SCAI: variants seen among roughly 807,000 people sequenced by gnomAD.
SCAI encodes suppressor of cancer cell invasion.
A neutral mutation model predicts 92.2 loss-of-function variants in SCAI; 24 were observed. The observed-to-expected ratio is 0.26, with a 90% CI of 0.19 to 0.37. SCAI has a LOEUF of 0.37. SCAI is among the 10% of genes least tolerant of loss of function. SCAI has a pLI of 1.00. For synonymous variants in SCAI, 261 were observed against 258.6 expected (o/e 1.01, Z -0.09); for missense variants, 450 against 736.2 (o/e 0.61, Z 4.50).
rs1833178972 is a variant in SCAI at position 125,035,605 on chromosome 9, C to T, written c.231-5866G>A. On this transcript the variant is annotated intron_variant, in intron 3 of 17. Transcript: ENST00000336505. ...TAAAATGGAGATAATAATAATAGAG[C>T]CTAGACCATAGGTTTGATGACAAGA... is the stretch of plus-strand genomic sequence containing the variant. 1.3e-5 allele frequency among the ~76,000 whole-genome samples: 2 copies of T among 152,084 alleles called. 1 individual carries two copies. The highest frequency in any genetic ancestry group is 4.2e-4 in the South Asian group (2 of 4,818).
In SCAI at chr9:124,949,004, A is replaced by G. The variant is rs1831194927; in HGVS notation, c.*3803T>C. 6.6e-6 allele frequency: 1 copy of G among 152,270 alleles called. No individual in the cohort carries two copies. Among genetic ancestry groups the G allele is most frequent in the Non-Finnish European group, 1.5e-5 (1 of 68,050 alleles). The allele number at this position is 152,270 out of a possible 1,614,324, so 9.4% of individuals were successfully genotyped here. Reference sequence around the variant, plus strand: ...CATTGGGCAACTGTCCTTTTAGATAATTCTTCTCCCTTGATTAAAGAAATA... The same window carrying G: ...CATTGGGCAACTGTCCTTTTAGATAGTTCTTCTCCCTTGATTAAAGAAATA... On this transcript the variant is annotated 3_prime_UTR_variant, in exon 18 of 18. Transcript: ENST00000336505. The surrounding 1 kb of genome is among the most constrained non-coding windows in gnomAD (Gnocchi z 4.0).
chr9:124,989,462 T>C (rs578194502), intron 14 of SCAI, among the ~76,000 whole-genome samples: 223 of 152,066 alleles, frequency 1.5e-3, no homozygotes, highest in African/African-American at 5.1e-3. Context: ...GCGCCTGTAA[T>C]CCCAGCTACT....
chr9:125,019,675 T>C (rs1398426209), intron 7 of SCAI, among the ~76,000 whole-genome samples: 1 of 152,064 alleles, frequency 6.6e-6, no homozygotes, highest in Admixed American at 6.6e-5. Context: ...CCTGACTTTA[T>C]TTGGATTTGT....
At chr9:125,018,525 G>C (rs1832807795) in intron 9 of SCAI, among the ~76,000 whole-genome samples, 1 of 152,138 alleles carries the variant, frequency 6.6e-6, no homozygotes, top group South Asian at 2.1e-4. Flanking sequence ...CATACATATA[G>C]ACATTCTAAC....
Position 125,109,361 on chromosome 9 carries a change from A to AAAT in SCAI, c.98+33269_98+33271dup, listed in dbSNP as rs796825826. Among the ~76,000 whole-genome samples, 416 of 151,630 alleles carry AAAT rather than the reference A, an allele frequency of 2.7e-3. 4 individuals carry two copies. The highest frequency in any genetic ancestry group is 8.1e-3 in the East Asian group (42 of 5,182). The stretch of plus-strand genomic sequence containing the variant: ...ACACCCAAGAATTATCAATTTTAAA[A>AAAT]AATAATAATAATAATAATAATAAAA... On this transcript the variant is annotated intron_variant, in intron 2 of 17. Coordinates refer to ENST00000336505, the MANE Select transcript of SCAI (RefSeq NM_001144877.3).
intron 2 of SCAI, among the ~76,000 whole-genome samples, chr9:125,095,138 C>A (rs938206773): frequency 1.3e-5 from 2 of 152,126 alleles, no homozygotes; most frequent in Admixed American, 6.6e-5. Context: ...CCAAGACAAT[C>A]CCTCATCCAG....
chr9:124,961,947 C>A (rs1831444695), intron 17 of SCAI, among the ~76,000 whole-genome samples: 1 of 151,434 alleles, frequency 6.6e-6, no homozygotes, highest in South Asian at 2.1e-4. Context: ...GTATCCTTTC[C>A]CCTCAGTGGC....
chr9:124,963,061 A>G (rs1831472526), intron 17 of SCAI, among the ~76,000 whole-genome samples: 1 of 150,432 alleles, frequency 6.6e-6, no homozygotes, highest in African/African-American at 2.4e-5. Context: ...AGCCTCCCAT[A>G]GTGCTGGGAT....
intron 11 of SCAI, 84 bp from the exon 12 acceptor site, chr9:125,002,127 G>C: frequency 1.0e-6 from 1 of 961,916 alleles, no homozygotes; most frequent in Non-Finnish European, 1.7e-6. Flanking sequence ...ACATCTTAAA[G>C]TTGTGAAATA....
chr9:124,970,420 T>TA (rs960754108), intron 17 of SCAI, among the ~76,000 whole-genome samples: 6 of 150,356 alleles, frequency 4.0e-5, no homozygotes, highest in African/African-American at 1.2e-4. Context: ...AATGAATGAT[T>TA]AAAAAAAAAA....
At chr9:125,105,637 C>G (rs1023628230) in intron 2 of SCAI, among the ~76,000 whole-genome samples, 1 of 152,082 alleles carries the variant, frequency 6.6e-6, no homozygotes, top group Admixed American at 6.6e-5. Flanking sequence ...TAAAGAGAAC[C>G]ACAGATAAAT....
intron 17 of SCAI, chr9:124,968,577 G>A: frequency 2.2e-6 from 2 of 921,848 alleles, no homozygotes; most frequent in South Asian, 1.3e-5. Flanking sequence ...AAACGTGTAT[G>A]GCTTGTCTGC....
intron 3 of SCAI, among the ~76,000 whole-genome samples, chr9:125,052,272 A>T (rs1202745696): frequency 6.6e-6 from 1 of 152,204 alleles, no homozygotes; most frequent in Non-Finnish European, 1.5e-5. Context: ...GGATATCATT[A>T]AGAAAGTAAA....
chr9:125,034,309 A>T lies in SCAI; in HGVS notation c.231-4570T>A, dbSNP rs115150545. On this transcript the variant is annotated intron_variant, in intron 3 of 17. Coordinates refer to ENST00000336505, the MANE Select transcript of SCAI (RefSeq NM_001144877.3). The stretch of plus-strand genomic sequence containing the variant: ...TCTCCCAGGGTAGGAGAAGAGGCAA[A>T]AGGTAAGATCTGGAAGGGCAAACTG... 6.3e-3 allele frequency among the ~76,000 whole-genome samples: 963 copies of T among 152,294 alleles called. 13 individuals carry two copies. Among genetic ancestry groups the T allele is most frequent in the African/African-American group, 0.022 (901 of 41,560 alleles).
intron 14 of SCAI, among the ~76,000 whole-genome samples, chr9:124,991,023 T>A (rs2131615353): frequency 6.6e-6 from 1 of 152,274 alleles, no homozygotes; most frequent in East Asian, 1.9e-4. Flanking sequence ...AGTTGAGAAA[T>A]ACAACTTTAA....
intron 3 of SCAI, among the ~76,000 whole-genome samples, chr9:125,043,009 G>T (rs1833358699): frequency 6.6e-6 from 1 of 151,652 alleles, no homozygotes. Flanking sequence ...GGGATTATGG[G>T]CATTTGCCAC....
intron 17 of SCAI, among the ~76,000 whole-genome samples, chr9:124,956,099 T>C (rs1419758804): frequency 6.6e-6 from 1 of 151,972 alleles, no homozygotes; most frequent in Non-Finnish European, 1.5e-5. Flanking sequence ...AAAACCAAAA[T>C]CATTCATAAA....
intron 3 of SCAI, among the ~76,000 whole-genome samples, chr9:125,035,770 A>G (rs760602026): frequency 6.6e-6 from 1 of 152,200 alleles, no homozygotes; most frequent in East Asian, 1.9e-4. Flanking sequence ...AATAAAATGA[A>G]TAATGGGCCA....
chr9:125,008,947 C>T (rs1832572064), intron 9 of SCAI, among the ~76,000 whole-genome samples: 1 of 151,924 alleles, frequency 6.6e-6, no homozygotes, highest in Non-Finnish European at 1.5e-5. Context: ...ATCTTAAAAA[C>T]ACACAGAGGA....
Sources: allele counts gnomAD v4.1 joint callset (sites outside exome capture counted in the v4.1 genomes callset), GRCh38; gene constraint gnomAD v4.1.1; non-coding constraint Gnocchi (gnomAD v3.1); transcripts MANE v1.5; gene names NCBI Gene and HGNC (gene_info 2026-07-23, HGNC 2026-07-21).